Variants in RBM33 observed in about 807,000 individuals in gnomAD.
RBM33 encodes the protein RNA binding motif protein 33.
Under a neutral mutation model 132.6 loss-of-function variants are expected in RBM33, and 28 were observed. That is an observed-to-expected ratio of 0.21 (90% CI 0.16 to 0.29). The LOEUF is 0.29. Ranked by LOEUF, RBM33 falls within the 10% of genes least tolerant of loss-of-function variation. RBM33 has a pLI of 1.00. For missense variants in RBM33, 1,291 were observed against 1,518.5 expected, an observed-to-expected ratio of 0.85 and a Z score of 2.49; for synonymous variants, 634 against 593.0, an observed-to-expected ratio of 1.07 and a Z score of -1.01.
intron 16 of RBM33, among the ~76,000 whole-genome samples, chr7:155,770,582 A>G (rs1239247356): frequency 6.7e-6 from 1 of 149,638 alleles, no homozygotes; most frequent in Non-Finnish European, 1.5e-5. Flanking sequence ...TGTGTTTAAA[A>G]GCAGCTGATA....
intron 1 of RBM33, among the ~76,000 whole-genome samples, chr7:155,648,969 AT>A (rs1798277865): frequency 6.6e-6 from 1 of 152,100 alleles, no homozygotes; most frequent in African/African-American, 2.4e-5. Context: ...TGTGATCATA[AT>A]GTGTTTCTGT....
At chr7:155,724,701 T>G (rs1800729993) in intron 9 of RBM33, among the ~76,000 whole-genome samples, 1 of 152,154 alleles carries the variant, frequency 6.6e-6, no homozygotes, top group Admixed American at 6.5e-5. Flanking sequence ...TTAGCCCCTC[T>G]CCCTACCGGC....
chr7:155,649,661 T>C (rs1798302150), intron 1 of RBM33, among the ~76,000 whole-genome samples: 1 of 152,052 alleles, frequency 6.6e-6, no homozygotes, highest in Non-Finnish European at 1.5e-5. Context: ...AGTTGTCTGG[T>C]TTTTTAATGA....
chr7:155,668,490 G>T (rs1474690479), intron 2 of RBM33, among the ~76,000 whole-genome samples: 1 of 152,140 alleles, frequency 6.6e-6, no homozygotes, highest in Non-Finnish European at 1.5e-5. Flanking sequence ...GTTTGAACTT[G>T]GGGGAGGGGC....
chr7:155,755,509 C>G (rs944398579), intron 14 of RBM33, among the ~76,000 whole-genome samples: 9 of 152,174 alleles, frequency 5.9e-5, no homozygotes, highest in African/African-American at 2.2e-4. Context: ...AGGGTTAATA[C>G]AAGTTAGCAG....
intron 2 of RBM33, 72 bp downstream of exon 2, chr7:155,665,325 A>T (rs1798772510): frequency 7.3e-7 from 1 of 1,368,732 alleles, no homozygotes; most frequent in Non-Finnish European, 1.0e-6. Context: ...CTCCTGAGGG[A>T]TCTTTACTGA....
At chr7:155,757,103 A>G (rs1341695545) in intron 14 of RBM33, among the ~76,000 whole-genome samples, 1 of 152,054 alleles carries the variant, frequency 6.6e-6, no homozygotes, top group Non-Finnish European at 1.5e-5. Flanking sequence ...CAAAAACAAA[A>G]CCACTAATAA....
intron 9 of RBM33, among the ~76,000 whole-genome samples, chr7:155,723,587 A>T (rs1169191565): frequency 6.6e-6 from 1 of 152,236 alleles, no homozygotes; most frequent in Non-Finnish European, 1.5e-5. Flanking sequence ...AGTAACGAGC[A>T]GCTAAACACT....
intron 9 of RBM33, among the ~76,000 whole-genome samples, chr7:155,720,960 G>T (rs1800605353): frequency 6.6e-6 from 1 of 152,228 alleles, no homozygotes; most frequent in African/African-American, 2.4e-5. Context: ...GTTTGAGTCA[G>T]TGTGCTTCTT....
intron 7 of RBM33, 31 bp from the exon 8 acceptor site, chr7:155,711,170 TAG>T: frequency 6.8e-7 from 1 of 1,471,894 alleles, no homozygotes; most frequent in Non-Finnish European, 9.0e-7. Flanking sequence ...TTGTGATTTG[TAG>T]ACTCATTCTC....
Position 155,745,481 on chromosome 7 carries a change from A to G in RBM33, c.2858A>G (p.Gln953Arg), listed in dbSNP as rs769691205. 3 of 1,613,642 alleles carry G rather than the reference A, an allele frequency of 1.9e-6. No homozygotes were observed. The highest frequency in any genetic ancestry group is 1.7e-6 in the Non-Finnish European group (2 of 1,179,834). Residue 953 changes from glutamine (Q) to arginine (R), a missense_variant, in exon 14 of 18, where the codon CAG becomes CGG. Transcript: ENST00000401878. This position sits in a 1 kb window ranked among gnomAD's most constrained non-coding sequence, Gnocchi z 4.1. The part of the protein sequence containing the change: ...VPQTPRVASI[Q>R]GRPQDTKPGV... ...CAGACTCCTCGAGTGGCGTCCATCCAGGGCCGGCCCCAGGACACAAAGCCT... is the reference window on the plus strand; with the variant it reads ...CAGACTCCTCGAGTGGCGTCCATCCGGGGCCGGCCCCAGGACACAAAGCCT...
intron 9 of RBM33, among the ~76,000 whole-genome samples, chr7:155,719,423 T>C (rs1010280667): frequency 6.6e-6 from 1 of 152,144 alleles, no homozygotes; most frequent in Non-Finnish European, 1.5e-5. Flanking sequence ...ATAACATTAT[T>C]GGATTTAAGG....
chr7:155,712,061 A>G (rs569298276), intron 8 of RBM33, among the ~76,000 whole-genome samples: 13 of 152,330 alleles, frequency 8.5e-5, no homozygotes, highest in African/African-American at 3.1e-4. Context: ...AAGTGCTGAG[A>G]GTACAGTCTG....
Position 155,779,918 on chromosome 7 carries a change from GTTTTA to G in RBM33, c.*4883_*4887del, listed in dbSNP as rs1802756319. ...GGTCTTCATGTTGATATTTTGCTTG[GTTTTA>G]TTTTACTGATTTTAAAAGGTATATA... On this transcript the variant is annotated 3_prime_UTR_variant, in exon 18 of 18. Coordinates refer to ENST00000401878, the MANE Select transcript of RBM33 (RefSeq NM_053043.3). The G allele has an allele frequency of 6.6e-6, 1 of 152,090 alleles. No individual in the cohort carries two copies. The highest frequency in any genetic ancestry group is 2.1e-4 in the South Asian group (1 of 4,824). The allele number at this position is 152,090 out of a possible 1,614,324, so 9.4% of individuals were successfully genotyped here.
At chr7:155,677,221 C>CT (rs55977961) in intron 3 of RBM33, among the ~76,000 whole-genome samples, 207 of 140,418 alleles carry the variant, frequency 1.5e-3, no homozygotes, top group Admixed American at 2.0e-3. Context: ...TTCTTTTTTT[C>CT]TTTTTTTTTT....
In RBM33 at chr7:155,775,469, G is replaced by A. The variant is rs1802575235; in HGVS notation, c.*428G>A. ...TTGCACTTATCTTCAGTGCAGGTTA[G>A]AAGAGTCTTCTCAACCAAGCTTAAC... is the stretch of plus-strand genomic sequence containing the variant. On this transcript the variant is annotated 3_prime_UTR_variant, in exon 18 of 18. Transcript: ENST00000401878. 1 of 245,178 alleles carries A rather than the reference G, an allele frequency of 4.1e-6. No homozygotes were observed. The allele number at this position is 245,178 out of a possible 1,614,324, so 15.2% of individuals were successfully genotyped here.
At chr7:155,651,300 G>A (rs1798346758) in intron 1 of RBM33, among the ~76,000 whole-genome samples, 1 of 152,076 alleles carries the variant, frequency 6.6e-6, no homozygotes, top group South Asian at 2.1e-4. Context: ...TTTTAGATTT[G>A]AGTTTATTTT....
At chr7:155,755,588 A>G (rs1284511509) in intron 14 of RBM33, among the ~76,000 whole-genome samples, 1 of 152,246 alleles carries the variant, frequency 6.6e-6, no homozygotes, top group Non-Finnish European at 1.5e-5. Flanking sequence ...AATGCTGCTT[A>G]GCGTCTGATA....
intron 3 of RBM33, among the ~76,000 whole-genome samples, chr7:155,673,950 T>TG (rs1563138386): frequency 1.6e-4 from 6 of 38,592 alleles, no homozygotes; most frequent in Non-Finnish European, 3.8e-4. Flanking sequence ...GTTTTTTTTT[T>TG]TTTTTTTTTT....
Sources: gnomAD v4.1 joint callset for allele counts (sites outside exome capture counted in the v4.1 genomes callset) on GRCh38, gnomAD v4.1.1 for gene constraint, Gnocchi (gnomAD v3.1) non-coding constraint, MANE v1.5 for transcripts, NCBI Gene and HGNC (gene_info 2026-07-23, HGNC 2026-07-21) for gene names.